Variants in RADIL observed in about 807,000 individuals in gnomAD.
RADIL encodes ras-associating and dilute domain-containing protein.
RADIL carries 99 observed loss-of-function variants against 97.6 expected under a neutral mutation model. That is an observed-to-expected ratio of 1.01 (90% CI 0.86 to 1.20). The LOEUF (loss-of-function observed/expected upper bound fraction) is 1.20, where lower values mean the gene tolerates loss of function less well. Ranked by LOEUF, RADIL falls within the 50% of genes most tolerant of loss-of-function variation. The pLI, the probability that RADIL is intolerant of heterozygous loss-of-function variation, is 0.00. For missense variants in RADIL, 1,765 were observed against 1,498.9 expected (o/e 1.18, Z -2.93); for synonymous variants, 803 against 691.8 (o/e 1.16, Z -2.52).
intron 2 of RADIL, among the ~76,000 whole-genome samples, chr7:4,871,892 C>T (rs1421615148): frequency 6.6e-6 from 1 of 152,158 alleles, no homozygotes; most frequent in African/African-American, 2.4e-5. Context: ...TAGCCTGAAC[C>T]TTCCTGGCTA....
chr7:4,824,687 G>A lies in RADIL; in HGVS notation c.1455-2133C>T, dbSNP rs981205110. Among the ~76,000 whole-genome samples the A allele has an allele frequency of 2.6e-5, 4 of 152,314 alleles. No individual in the cohort carries two copies. The highest frequency in any genetic ancestry group is 2.4e-5 in the African/African-American group (1 of 41,568). On this transcript the variant is annotated intron_variant, in intron 5 of 14. Transcript: ENST00000399583. This position sits in a 1 kb window ranked among gnomAD's most constrained non-coding sequence, Gnocchi z 6.7. ...CTGTTTTTGGCGGCTAAGCAGGTCC[G>A]CTGCCTGCTCATGTGTCTGGCACAG... is the stretch of plus-strand genomic sequence containing the variant.
rs1490723509 is a variant in RADIL at position 4,849,251 on chromosome 7, G to C, written c.536-12646C>G. On this transcript the variant is annotated intron_variant, in intron 2 of 14. Coordinates refer to ENST00000399583, the MANE Select transcript of RADIL (RefSeq NM_018059.5). This position sits in a 1 kb window ranked among gnomAD's most constrained non-coding sequence, Gnocchi z 5.4. Reference sequence around the variant, plus strand: ...GGAACGGCTATGGCAGAGAACTGCTGTTTTGCTTTTAATCGGTAATGAGAA... The same window carrying C: ...GGAACGGCTATGGCAGAGAACTGCTCTTTTGCTTTTAATCGGTAATGAGAA... Among the ~76,000 whole-genome samples, 1 of 152,126 alleles carries C rather than the reference G, an allele frequency of 6.6e-6. No individual in the cohort carries two copies.
At position 4,877,735 on chromosome 7, in the gene RADIL, C is replaced by T; in HGVS notation, c.405G>A (p.Gly135=). Residue 135 remains glycine, a synonymous_variant, in exon 2 of 15, where the codon GGG becomes GGA. Transcript: ENST00000399583. ...GGATCAAGAGGGGCTTCTCACTGTC[C>T]CCAAACACCCGAAAGCACCGGGCCT... is the stretch of plus-strand genomic sequence containing the variant. The part of the protein sequence containing the change: ...RWQARCFRVF[G]DSEKPLLIQE... The T allele has an allele frequency of 6.2e-7, 1 of 1,613,982 alleles. No individual in the cohort carries two copies. The highest frequency in any genetic ancestry group is 8.5e-7 in the Non-Finnish European group (1 of 1,180,028).
In RADIL at chr7:4,819,674, G is replaced by A. The variant is rs1164398503; in HGVS notation, c.1616-2323C>T. The stretch of plus-strand genomic sequence containing the variant: ...ACAACAGCCACGTGACCCACCCTCG[G>A]GACGCGACAGCCCTGCTCTCCGAAT... On this transcript the variant is annotated intron_variant, in intron 6 of 14. Transcript: ENST00000399583. The surrounding 1 kb of genome is among the most constrained non-coding windows in gnomAD (Gnocchi z 5.8). 3.3e-5 allele frequency among the ~76,000 whole-genome samples: 5 copies of A among 152,174 alleles called. No homozygotes were observed. In the East Asian group the frequency reaches 9.7e-4, roughly 29 times the overall value.
intron 2 of RADIL, among the ~76,000 whole-genome samples, chr7:4,856,214 C>T (rs117926623): frequency 0.013 from 2,025 of 152,100 alleles, 95 homozygotes; most frequent in East Asian, 0.11. Context: ...TCTCCTGCAT[C>T]GGCCTCCTGG....
intron 2 of RADIL, among the ~76,000 whole-genome samples, chr7:4,869,306 T>C (rs757248209): frequency 2.6e-5 from 4 of 152,104 alleles, no homozygotes; most frequent in Non-Finnish European, 4.4e-5. Flanking sequence ...CTAATTTTCA[T>C]ATTTTTCTGT....
At chr7:4,828,237 T>C (rs1273362922) in intron 5 of RADIL, among the ~76,000 whole-genome samples, 2 of 152,220 alleles carry the variant, frequency 1.3e-5, no homozygotes, top group Non-Finnish European at 2.9e-5. Context: ...GCGGGAGGAC[T>C]GCTTGAGCGC....
chr7:4,834,489 A>C lies in RADIL; in HGVS notation c.1416+118T>G, dbSNP rs1027336533. The C allele has an allele frequency of 1.5e-5, 17 of 1,158,588 alleles. No individual in the cohort carries two copies. Among genetic ancestry groups the C allele is most frequent in the Non-Finnish European group, 1.6e-5 (15 of 920,590 alleles). The allele number at this position is 1,158,588 out of a possible 1,614,324, so 71.8% of individuals were successfully genotyped here. ...AGGGAAAGGCCGCCCTGCGCTCAGC[A>C]GCACAGCACCGTGGGGGTCAGATAG... On this transcript the variant is annotated intron_variant, in intron 4 of 14. Coordinates refer to ENST00000399583, the MANE Select transcript of RADIL (RefSeq NM_018059.5). This position sits in a 1 kb window ranked among gnomAD's most constrained non-coding sequence, Gnocchi z 6.0.
chr7:4,809,752 G>A, intron 9 of RADIL: 2 of 517,612 alleles, frequency 3.9e-6, no homozygotes, highest in African/African-American at 2.1e-5. Context: ...GCGTGATCTC[G>A]GCTCACTGCA....
intron 2 of RADIL, among the ~76,000 whole-genome samples, chr7:4,869,549 T>C (rs1784206572): frequency 6.6e-6 from 1 of 152,114 alleles, no homozygotes; most frequent in African/African-American, 2.4e-5. Context: ...TTTTTTTTTT[T>C]TTCCATATAG....
chr7:4,858,053 A>G (rs902428841), intron 2 of RADIL: 5 of 152,648 alleles, frequency 3.3e-5, no homozygotes, highest in Non-Finnish European at 7.3e-5. Flanking sequence ...GCCATTCAAA[A>G]TACAGATATT....
intron 9 of RADIL, chr7:4,808,732 C>T (rs960530306): frequency 3.1e-6 from 3 of 970,428 alleles, no homozygotes; most frequent in Non-Finnish European, 2.4e-6. Context: ...ACGCCACTGC[C>T]CCTCCGCGTC....
chr7:4,799,313 G>A lies in RADIL; in HGVS notation c.*65C>T, dbSNP rs1395324067. The stretch of plus-strand genomic sequence containing the variant: ...AGTTACAAAACAGGGACGAAGGCGG[G>A]AGGAAGCCCAGTGTCACCAGGTGGG... On this transcript the variant is annotated 3_prime_UTR_variant, in exon 15 of 15. Transcript: ENST00000399583. 3.3e-5 allele frequency: 51 copies of A among 1,525,210 alleles called. No individual in the cohort carries two copies. Among genetic ancestry groups the A allele is most frequent in the Non-Finnish European group, 4.3e-5 (47 of 1,103,740 alleles). 94.5% of individuals were successfully genotyped at this position (1,525,210 alleles called of 1,614,324 possible).
At chr7:4,871,594 G>C (rs561893229) in intron 2 of RADIL, among the ~76,000 whole-genome samples, 2 of 152,196 alleles carry the variant, frequency 1.3e-5, no homozygotes, top group African/African-American at 4.8e-5. Context: ...CCACCACGCC[G>C]CCAGGTGGCC....
rs1021361960 is a variant in RADIL at position 4,883,044 on chromosome 7, C to T, written c.-65+552G>A. On this transcript the variant is annotated intron_variant, in intron 1 of 14. Coordinates refer to ENST00000399583, the MANE Select transcript of RADIL (RefSeq NM_018059.5). The surrounding 1 kb of genome is among the most constrained non-coding windows in gnomAD (Gnocchi z 7.1). ...ATTTGTCGAGGGGCTGGAAATGGTA[C>T]ATAAATAGCCGGGAAACAATGCTTT... Among the ~76,000 whole-genome samples, 8 of 152,190 alleles carry T rather than the reference C, an allele frequency of 5.3e-5. No homozygotes were observed. Among genetic ancestry groups the T allele is most frequent in the African/African-American group, 1.9e-4 (8 of 41,434 alleles).
intron 5 of RADIL, among the ~76,000 whole-genome samples, chr7:4,825,248 C>T (rs559469674): frequency 6.6e-5 from 10 of 152,300 alleles, no homozygotes; most frequent in Middle Eastern, 3.4e-3. Context: ...GCAGGAGGAA[C>T]GGGCGCAGCT....
chr7:4,816,247 G>A lies in RADIL; in HGVS notation c.1947C>T (p.Leu649=). ...YLFFFSGTLL[L]NQLLDRGPSL... is the part of the protein sequence containing the mutation. ...CCTCACCCCTGTCGAGGAGCTGGTT[G>A]AGAAGCAGTGTCCCGGAGAAGAAGA... Residue 649 remains leucine, a synonymous_variant, in exon 8 of 15, where the codon CTC becomes CTT. Transcript: ENST00000399583. 6.2e-7 allele frequency: 1 copy of A among 1,611,516 alleles called. No homozygotes were observed. The highest frequency in any genetic ancestry group is 8.5e-7 in the Non-Finnish European group (1 of 1,178,784).
intron 9 of RADIL, chr7:4,806,154 T>C (rs1782301107): frequency 1.3e-6 from 1 of 791,122 alleles, no homozygotes; most frequent in Non-Finnish European, 1.5e-6. Context: ...CATTTGTTTG[T>C]TTGCTTGTTT....
At chr7:4,861,463 G>A (rs370453666) in intron 2 of RADIL, 17 of 1,614,072 alleles carry the variant, frequency 1.1e-5, no homozygotes, top group Admixed American at 1.0e-4. Flanking sequence ...CGCACAAGGC[G>A]TCAATATCTG....
Sources: gnomAD v4.1 joint callset for allele counts (sites outside exome capture counted in the v4.1 genomes callset) on GRCh38, gnomAD v4.1.1 for gene constraint, Gnocchi (gnomAD v3.1) non-coding constraint, MANE v1.5 for transcripts, NCBI Gene and HGNC (gene_info 2026-07-23, HGNC 2026-07-21) for gene names.